The following ZZZ3 variants were observed in gnomAD, a reference collection of about 807,000 sequenced individuals.
ZZZ3 encodes ZZ-type zinc finger-containing protein 3.
A neutral mutation model predicts 95.2 loss-of-function variants in ZZZ3; 22 were observed. The ratio of observed to expected loss-of-function variants is 0.23; its 90% CI spans 0.17 to 0.33. The LOEUF (loss-of-function observed/expected upper bound fraction) is 0.33. Among genes scored for constraint, ZZZ3 ranks in the 10% least tolerant of loss-of-function variants. The pLI, the probability that ZZZ3 is intolerant of heterozygous loss-of-function variation, is 1.00. For synonymous variants in ZZZ3, 335 were observed against 358.9 expected, an observed-to-expected ratio of 0.93 and a Z score of 0.75; for missense variants, 885 against 1,066.5, an observed-to-expected ratio of 0.83 and a Z score of 2.37.
In ZZZ3 at chr1:77,562,547, T is replaced by G. The variant is rs929619066; in HGVS notation, c.*3093A>C. 6.6e-6 allele frequency: 1 copy of G among 152,250 alleles called. No individual in the cohort carries two copies. The highest frequency in any genetic ancestry group is 6.5e-5 in the Admixed American group (1 of 15,286). 9.4% of individuals were successfully genotyped at this position (152,250 alleles called of 1,614,324 possible). On this transcript the variant is annotated 3_prime_UTR_variant, in exon 15 of 15. Coordinates refer to ENST00000370801, the MANE Select transcript of ZZZ3 (RefSeq NM_015534.6). Reference sequence around the variant, plus strand: ...TCTATTCCATTTTTTCAAATGTTCATACCTAGTAAATTTTTGTGTTCTGTG... The same window carrying G: ...TCTATTCCATTTTTTCAAATGTTCAGACCTAGTAAATTTTTGTGTTCTGTG...
chr1:77,666,901 C>T (rs1277760659), intron 1 of ZZZ3, among the ~76,000 whole-genome samples: 2 of 152,182 alleles, frequency 1.3e-5, no homozygotes, highest in Admixed American at 1.3e-4. Flanking sequence ...CAGGGAAAAC[C>T]TTTCTAGCTG....
At chr1:77,625,851 T>G (rs916493462) in intron 5 of ZZZ3, among the ~76,000 whole-genome samples, 5 of 150,144 alleles carry the variant, frequency 3.3e-5, no homozygotes, top group African/African-American at 1.2e-4. Context: ...ATACAAAAAC[T>G]AGCCGGGTGT....
intron 1 of ZZZ3, among the ~76,000 whole-genome samples, chr1:77,642,116 T>TAGAGA (rs1668831734): frequency 1.3e-5 from 2 of 152,196 alleles, no homozygotes; most frequent in African/African-American, 4.8e-5. Flanking sequence ...ATATCTTTCT[T>TAGAGA]AAGTAATTTT....
At chr1:77,670,976 T>A (rs1394950299) in intron 1 of ZZZ3, among the ~76,000 whole-genome samples, 11 of 150,084 alleles carry the variant, frequency 7.3e-5, no homozygotes. Flanking sequence ...AGTTTACATC[T>A]AGCCTGGGCA....
intron 5 of ZZZ3, among the ~76,000 whole-genome samples, chr1:77,599,233 A>G (rs1279373353): frequency 6.6e-6 from 1 of 152,062 alleles, no homozygotes. Flanking sequence ...AAACTTGTAA[A>G]GAAATTATTA....
intron 11 of ZZZ3, among the ~76,000 whole-genome samples, chr1:77,577,959 G>A (rs1170649625): frequency 6.6e-6 from 1 of 152,134 alleles, no homozygotes; most frequent in Non-Finnish European, 1.5e-5. Context: ...GTTTGGGAAA[G>A]AAACAGTAGC....
Position 77,579,462 on chromosome 1 carries a change from T to C in ZZZ3, c.2082+65A>G, listed in dbSNP as rs893106515. 24 of 1,185,386 alleles carry C rather than the reference T, an allele frequency of 2.0e-5. No individual in the cohort carries two copies. In the East Asian group the frequency reaches 6.0e-4, roughly 29 times the overall value. 73.4% of individuals were successfully genotyped at this position (1,185,386 alleles called of 1,614,324 possible). A position where few individuals can be genotyped will look rare whatever the true frequency, so the allele number is the denominator to read the frequency against. On this transcript the variant is annotated intron_variant, in intron 10 of 14. Coordinates refer to ENST00000370801, the MANE Select transcript of ZZZ3 (RefSeq NM_015534.6). ...GGCAGATCGCCCAATGTCAGCTGCA[T>C]TATTCTCCTTTATTAAAAAACTACC...
At chr1:77,576,784 AAAAAAAT>A (rs1662003314) in intron 11 of ZZZ3, among the ~76,000 whole-genome samples, 1 of 127,168 alleles carries the variant, frequency 7.9e-6, no homozygotes, top group Non-Finnish European at 1.8e-5. Flanking sequence ...AAACAACAAA[AAAAAAAT>A]TTCTTGTAAT....
chr1:77,648,330 CAG>C (rs1032319044), intron 1 of ZZZ3, among the ~76,000 whole-genome samples: 1 of 120,732 alleles, frequency 8.3e-6, no homozygotes, highest in African/African-American at 3.2e-5. Context: ...GCCTGGGTGA[CAG>C]AGTGAAATCT....
chr1:77,631,160 C>T (rs1033151328), intron 5 of ZZZ3, among the ~76,000 whole-genome samples: 2 of 152,086 alleles, frequency 1.3e-5, no homozygotes, highest in African/African-American at 2.4e-5. Flanking sequence ...ATACAGAATT[C>T]TTTATTTACA....
intron 1 of ZZZ3, among the ~76,000 whole-genome samples, chr1:77,647,124 C>T (rs765619985): frequency 6.6e-6 from 1 of 152,176 alleles, no homozygotes; most frequent in Non-Finnish European, 1.5e-5. Flanking sequence ...GGTATATATA[C>T]TTCCACCACA....
At chr1:77,604,861 A>G (rs1389421584) in intron 5 of ZZZ3, among the ~76,000 whole-genome samples, 1 of 152,194 alleles carries the variant, frequency 6.6e-6, no homozygotes. Context: ...CAGCTCCATT[A>G]TCCATTTATA....
Position 77,610,931 on chromosome 1 carries a change from C to A in ZZZ3, c.1505+20919G>T, listed in dbSNP as rs1184280813. Reference sequence around the variant, plus strand: ...CTGAAAAAAGACAAGGATCCCCAAACCACTTCCATTCAACCCAGTAATAGA... The same window carrying A: ...CTGAAAAAAGACAAGGATCCCCAAAACACTTCCATTCAACCCAGTAATAGA... On this transcript the variant is annotated intron_variant, in intron 5 of 14. Coordinates refer to ENST00000370801, the MANE Select transcript of ZZZ3 (RefSeq NM_015534.6). 2.0e-5 allele frequency among the ~76,000 whole-genome samples: 3 copies of A among 151,878 alleles called. No individual in the cohort carries two copies. The East Asian group carries it at 5.8e-4, about 29-fold the overall frequency.
intron 1 of ZZZ3, among the ~76,000 whole-genome samples, chr1:77,651,083 A>AG (rs1311156832): frequency 6.6e-6 from 1 of 152,212 alleles, no homozygotes. Context: ...AAATGTAAGC[A>AG]CTAAAATGAT....
Position 77,563,534 on chromosome 1 carries a change from T to A in ZZZ3, c.*2106A>T, listed in dbSNP as rs1660587302. ...TAGAAAAATGCATTCAAATGGTTTG[T>A]CTATTCCATTTATATAACAATTGTA... On this transcript the variant is annotated 3_prime_UTR_variant, in exon 15 of 15. Coordinates refer to ENST00000370801, the MANE Select transcript of ZZZ3 (RefSeq NM_015534.6). 1 of 152,232 alleles carries A rather than the reference T, an allele frequency of 6.6e-6. No homozygotes were observed. Among genetic ancestry groups the A allele is most frequent in the South Asian group, 2.1e-4 (1 of 4,838 alleles). 9.4% of individuals were successfully genotyped at this position (152,232 alleles called of 1,614,324 possible). A position where few individuals can be genotyped will look rare whatever the true frequency, so the allele number is the denominator to read the frequency against.
intron 1 of ZZZ3, among the ~76,000 whole-genome samples, chr1:77,649,937 C>A (rs761071159): frequency 9.3e-5 from 14 of 151,038 alleles, no homozygotes; most frequent in African/African-American, 3.2e-4. Flanking sequence ...AAAAAATATA[C>A]CAATATACTG....
chr1:77,672,949 A>C lies in ZZZ3; in HGVS notation c.-403+9636T>G, dbSNP rs1171945053. Among the ~76,000 whole-genome samples the C allele has an allele frequency of 7.2e-5, 11 of 152,314 alleles. No homozygotes were observed. The East Asian group carries it at 2.1e-3, about 29-fold the overall frequency. On this transcript the variant is annotated intron_variant, in intron 1 of 14. Transcript: ENST00000370801. The stretch of plus-strand genomic sequence containing the variant: ...AAAAACAAGTGATTTTTTTTTAGAA[A>C]GTAGGCTAAAACTTTACAATCATTT...
At chr1:77,591,296 ACTTT>A (rs752818622) in intron 5 of ZZZ3, among the ~76,000 whole-genome samples, 1 of 152,030 alleles carries the variant, frequency 6.6e-6, no homozygotes, top group Non-Finnish European at 1.5e-5. Context: ...ATAATCTCCC[ACTTT>A]CTTTCTCTTT....
At chr1:77,641,328 G>A (rs926499364) in intron 3 of ZZZ3, 56 bp downstream of exon 3, 22 of 375,850 alleles carry the variant, frequency 5.9e-5, no homozygotes, top group East Asian at 3.0e-4. Context: ...TATCCACTAC[G>A]ATATTTAGCA....
Sources: gnomAD v4.1 joint callset for allele counts (sites outside exome capture counted in the v4.1 genomes callset) on GRCh38, gnomAD v4.1.1 for gene constraint, MANE v1.5 for transcripts, NCBI Gene and HGNC (gene_info 2026-07-23, HGNC 2026-07-21) for gene names.